NRXN1: variants seen among roughly 807,000 people sequenced by gnomAD.
NRXN1 encodes neurexin-1.
A neutral mutation model predicts 150.9 loss-of-function variants in NRXN1; 39 were observed. The observed-to-expected ratio is 0.26, with a 90% confidence interval of 0.20 to 0.34. NRXN1 has a LOEUF of 0.34. NRXN1 is among the 10% of genes least tolerant of loss of function. The pLI is 1.00. For synonymous variants in NRXN1, 924 were observed against 757.0 expected, an observed-to-expected ratio of 1.22 and a Z score of -3.62; for missense variants, 1,815 against 1,949.9, an observed-to-expected ratio of 0.93 and a Z score of 1.30.
chr2:50,667,352 C>A (rs1435581854), intron 5 of NRXN1, among the ~76,000 whole-genome samples: 1 of 151,868 alleles, frequency 6.6e-6, no homozygotes, highest in African/African-American at 2.4e-5. Context: ...TTACAAATAG[C>A]ACTTGGTGAA....
intron 21 of NRXN1, among the ~76,000 whole-genome samples, chr2:49,970,819 A>AT (rs1213841556): frequency 2.0e-5 from 3 of 152,166 alleles, no homozygotes; most frequent in Admixed American, 6.6e-5. Context: ...AATGGATGCC[A>AT]TTTTTTTCTA....
chr2:49,989,895 C>G (rs1049835108), intron 21 of NRXN1, among the ~76,000 whole-genome samples: 1 of 152,018 alleles, frequency 6.6e-6, no homozygotes, highest in Non-Finnish European at 1.5e-5. Flanking sequence ...ATTATTTTCA[C>G]TCACTTTATT....
At chr2:50,342,193 A>G (rs2077596845) in intron 17 of NRXN1, among the ~76,000 whole-genome samples, 1 of 152,250 alleles carries the variant, frequency 6.6e-6, no homozygotes, top group Non-Finnish European at 1.5e-5. Flanking sequence ...TCTAAGAAAT[A>G]AATCTATTAA....
chr2:51,021,928 C>A (rs1669677250), intron 2 of NRXN1, among the ~76,000 whole-genome samples: 1 of 151,978 alleles, frequency 6.6e-6, no homozygotes, highest in Non-Finnish European at 1.5e-5. Context: ...TAAGTGCTTG[C>A]TAAATCACAA....
chr2:50,595,785 C>T (rs1311480990), intron 8 of NRXN1, among the ~76,000 whole-genome samples: 1 of 152,186 alleles, frequency 6.6e-6, no homozygotes, highest in African/African-American at 2.4e-5. Context: ...TTAGTTTCTA[C>T]TGCCATTATT....
intron 18 of NRXN1, among the ~76,000 whole-genome samples, chr2:50,095,034 C>T (rs931849234): frequency 6.6e-6 from 1 of 152,114 alleles, no homozygotes; most frequent in African/African-American, 2.4e-5. Flanking sequence ...CTTTCTTCTG[C>T]TTCATCCCTG....
At chr2:50,899,588 A>G (rs1225023592) in intron 5 of NRXN1, among the ~76,000 whole-genome samples, 1 of 152,200 alleles carries the variant, frequency 6.6e-6, no homozygotes, top group Non-Finnish European at 1.5e-5. Context: ...AAAATTTAAA[A>G]AAGGGGGTAG....
intron 16 of NRXN1, 26 bp downstream of exon 16, chr2:50,472,272 A>G: frequency 6.6e-7 from 1 of 1,509,304 alleles, no homozygotes; most frequent in Non-Finnish European, 8.9e-7. Flanking sequence ...AGAATTATTT[A>G]GAGCATGATG....
At chr2:50,415,087 A>C (rs1003274269) in intron 17 of NRXN1, among the ~76,000 whole-genome samples, 1 of 152,166 alleles carries the variant, frequency 6.6e-6, no homozygotes, top group South Asian at 2.1e-4. Context: ...AATGACAAAA[A>C]CTGTGGAATG....
chr2:50,478,588 C>T (rs1002315205), intron 15 of NRXN1, among the ~76,000 whole-genome samples: 2 of 152,172 alleles, frequency 1.3e-5, no homozygotes, highest in Non-Finnish European at 2.9e-5. Context: ...ACATCTTAGT[C>T]TCCCTTGGTA....
chr2:50,608,024 T>C (rs1417203300), intron 8 of NRXN1, among the ~76,000 whole-genome samples: 4 of 151,844 alleles, frequency 2.6e-5, no homozygotes. Context: ...ACCTGGGGCC[T>C]GGGGGTAAAT....
chr2:50,002,735 C>T (rs1458179523), intron 21 of NRXN1, among the ~76,000 whole-genome samples: 1 of 151,984 alleles, frequency 6.6e-6, no homozygotes, highest in East Asian at 1.9e-4. Flanking sequence ...GACTAGGAGT[C>T]AAGGGATCTG....
intron 5 of NRXN1, among the ~76,000 whole-genome samples, chr2:50,875,246 T>A (rs915533998): frequency 6.6e-6 from 1 of 151,748 alleles, no homozygotes; most frequent in African/African-American, 2.4e-5. Flanking sequence ...AACTAAGATG[T>A]TGACCATATA....
chr2:50,233,146 G>T (rs1418259377), intron 18 of NRXN1, among the ~76,000 whole-genome samples: 2 of 151,982 alleles, frequency 1.3e-5, no homozygotes, highest in African/African-American at 4.8e-5. Context: ...AATTCTTTCA[G>T]AAAATATTTA....
intron 5 of NRXN1, among the ~76,000 whole-genome samples, chr2:50,849,536 TAA>T (rs749234888): frequency 2.0e-5 from 3 of 152,206 alleles, no homozygotes; most frequent in Non-Finnish European, 4.4e-5. Flanking sequence ...GTTACCCAAT[TAA>T]GTTTTCTAAT....
At chr2:50,843,692 C>T (rs948099776) in intron 5 of NRXN1, among the ~76,000 whole-genome samples, 6 of 152,162 alleles carry the variant, frequency 3.9e-5, no homozygotes, top group Non-Finnish European at 7.3e-5. Context: ...TATTTCATTG[C>T]TCTCATTGGT....
chr2:50,070,788 A>AC (rs1176640797), intron 19 of NRXN1, among the ~76,000 whole-genome samples: 1 of 151,604 alleles, frequency 6.6e-6, no homozygotes, highest in Non-Finnish European at 1.5e-5. Context: ...AAAAAAAAAA[A>AC]ACCTGTAATT....
intron 5 of NRXN1, among the ~76,000 whole-genome samples, chr2:50,887,629 C>A (rs1053097557): frequency 2.0e-5 from 3 of 151,292 alleles, no homozygotes; most frequent in African/African-American, 7.3e-5. Context: ...AATGATGAGG[C>A]TGAATTGTGT....
chr2:50,791,261 C>T (rs2105602980), intron 5 of NRXN1, among the ~76,000 whole-genome samples: 1 of 141,432 alleles, frequency 7.1e-6, no homozygotes, highest in Non-Finnish European at 1.5e-5. Context: ...TGGATAAGTT[C>T]CCTTGAGATA....
Sources: allele counts gnomAD v4.1 joint callset (sites outside exome capture counted in the v4.1 genomes callset), GRCh38; gene constraint gnomAD v4.1.1; transcripts MANE v1.5; gene names NCBI Gene and HGNC (gene_info 2026-07-23, HGNC 2026-07-21).